The following SRBD1 variants were observed in gnomAD, a reference collection of about 807,000 sequenced individuals.
SRBD1 encodes S1 RNA-binding domain-containing protein 1.
Under a neutral mutation model 115.3 loss-of-function variants are expected in SRBD1, and 88 were observed. The observed-to-expected ratio is 0.76, with a 90% CI of 0.64 to 0.91. The LOEUF (loss-of-function observed/expected upper bound fraction) is 0.91, where lower values mean the gene tolerates loss of function less well. Ranked by LOEUF, SRBD1 falls within the 40% of genes least tolerant of loss-of-function variation. SRBD1 has a pLI of 0.00. For synonymous variants in SRBD1, 509 were observed against 407.7 expected (o/e 1.25, Z -2.99); for missense variants, 1,385 against 1,177.4 (o/e 1.18, Z -2.58).
At chr2:45,454,132 G>C (rs1669081900) in intron 16 of SRBD1, among the ~76,000 whole-genome samples, 1 of 151,894 alleles carries the variant, frequency 6.6e-6, no homozygotes, top group African/African-American at 2.4e-5. Flanking sequence ...CCTAACAGAA[G>C]CATAAAAGCA....
At chr2:45,569,361 A>G (rs1416112970) in intron 9 of SRBD1, 3 of 152,110 alleles carry the variant, frequency 2.0e-5, no homozygotes, top group Non-Finnish European at 2.9e-5. Flanking sequence ...GGGTCACCAT[A>G]TTGATACTAA....
chr2:45,518,047 A>C lies in SRBD1; in HGVS notation c.1874+28685T>G, dbSNP rs554270330. The stretch of plus-strand genomic sequence containing the variant: ...TCAAAAGCTCTCTTTATTTGATGAG[A>C]AAGTGTAATATCATAATAGGCAGGC... On this transcript the variant is annotated intron_variant, in intron 14 of 20. Coordinates refer to ENST00000263736, the MANE Select transcript of SRBD1 (RefSeq NM_018079.5). 1.6e-3 allele frequency among the ~76,000 whole-genome samples: 251 copies of C among 152,278 alleles called. 2 individuals are homozygous for C. The Middle Eastern group carries it at 0.02, about 12-fold the overall frequency.
intron 14 of SRBD1, among the ~76,000 whole-genome samples, chr2:45,533,397 G>A (rs1671672723): frequency 6.6e-6 from 1 of 151,892 alleles, no homozygotes; most frequent in Non-Finnish European, 1.5e-5. Context: ...ACCCTAATAT[G>A]GTTCCTAACT....
intron 18 of SRBD1, among the ~76,000 whole-genome samples, chr2:45,415,979 T>G (rs774274997): frequency 2.6e-5 from 4 of 152,052 alleles, no homozygotes; most frequent in African/African-American, 9.6e-5. Flanking sequence ...ATCATAAGAA[T>G]AGAAGATGTA....
At chr2:45,503,612 T>C (rs1285920744) in intron 14 of SRBD1, among the ~76,000 whole-genome samples, 2 of 152,194 alleles carry the variant, frequency 1.3e-5, no homozygotes, top group South Asian at 2.1e-4. Context: ...GAAAATCTAT[T>C]GTACTTCAAA....
intron 14 of SRBD1, among the ~76,000 whole-genome samples, chr2:45,489,753 G>C (rs904229178): frequency 2.0e-5 from 3 of 152,120 alleles, no homozygotes; most frequent in Non-Finnish European, 2.9e-5. Flanking sequence ...AAGGAACTGA[G>C]TTAGATTTGG....
chr2:45,419,680 T>C, intron 17 of SRBD1, 108 bp downstream of exon 17: 1 of 867,442 alleles, frequency 1.2e-6, no homozygotes, highest in Non-Finnish European at 1.9e-6. Context: ...CCATAGACGT[T>C]CTCTACTTGA....
chr2:45,407,273 C>A (rs1667464348), intron 19 of SRBD1, among the ~76,000 whole-genome samples: 1 of 152,130 alleles, frequency 6.6e-6, no homozygotes, highest in African/African-American at 2.4e-5. Flanking sequence ...ATTAACTATT[C>A]CAAAGCTAGC....
chr2:45,595,253 G>A (rs1219165052), intron 4 of SRBD1, among the ~76,000 whole-genome samples: 2 of 152,152 alleles, frequency 1.3e-5, no homozygotes, highest in African/African-American at 4.8e-5. Flanking sequence ...TCAGAGTTGA[G>A]AAATACACCT....
At chr2:45,571,156 C>A (rs551045637) in intron 9 of SRBD1, among the ~76,000 whole-genome samples, 30 of 152,208 alleles carry the variant, frequency 2.0e-4, no homozygotes, top group East Asian at 1.4e-3. Flanking sequence ...GAAAAGGCTA[C>A]GGCAGAGCTG....
chr2:45,469,161 C>CTATA (rs1669577021), intron 16 of SRBD1, among the ~76,000 whole-genome samples: 1 of 152,014 alleles, frequency 6.6e-6, no homozygotes, highest in Admixed American at 6.6e-5. Flanking sequence ...TATGGATGGT[C>CTATA]TATATATTGT....
chr2:45,567,026 C>T (rs760605194), intron 9 of SRBD1, among the ~76,000 whole-genome samples: 20 of 152,080 alleles, frequency 1.3e-4, no homozygotes, highest in Non-Finnish European at 2.5e-4. Context: ...AAAACTTAGA[C>T]TTCCTATCTG....
At chr2:45,471,480 G>C (rs1157847350) in intron 16 of SRBD1, among the ~76,000 whole-genome samples, 1 of 152,092 alleles carries the variant, frequency 6.6e-6, no homozygotes, top group Non-Finnish European at 1.5e-5. Flanking sequence ...TGCTATTACA[G>C]TAAACTTGTG....
chr2:45,474,373 C>T (rs187898027), intron 16 of SRBD1, among the ~76,000 whole-genome samples: 5 of 152,326 alleles, frequency 3.3e-5, no homozygotes, highest in Admixed American at 2.0e-4. Flanking sequence ...TCCCCACCTC[C>T]GGTGATAATG....
In SRBD1 at chr2:45,389,208, A is replaced by ATT. The variant is rs1442026070; in HGVS notation, c.*100_*101dup. On this transcript the variant is annotated 3_prime_UTR_variant, in exon 21 of 21. Transcript: ENST00000263736. ...GGAAAATATTTCTGATATTAAGTGAATTATTTCTCATCTGCTACCTAGAGT... is the reference window on the plus strand; with the variant it reads ...GGAAAATATTTCTGATATTAAGTGAATTTTATTTCTCATCTGCTACCTAGAGT... 5.3e-6 allele frequency: 7 copies of ATT among 1,321,038 alleles called. No individual in the cohort carries two copies. Among genetic ancestry groups the ATT allele is most frequent in the Non-Finnish European group, 7.2e-6 (7 of 965,520 alleles). 81.8% of individuals were successfully genotyped at this position (1,321,038 alleles called of 1,614,324 possible). A position where few individuals can be genotyped will look rare whatever the true frequency, so the allele number is the denominator to read the frequency against.
chr2:45,411,470 A>G (rs1667600540), intron 19 of SRBD1, among the ~76,000 whole-genome samples: 1 of 152,190 alleles, frequency 6.6e-6, no homozygotes, highest in Admixed American at 6.5e-5. Flanking sequence ...CCTTACACAG[A>G]TGAGTACAAT....
At chr2:45,500,349 G>A (rs1047599703) in intron 14 of SRBD1, among the ~76,000 whole-genome samples, 1 of 151,628 alleles carries the variant, frequency 6.6e-6, no homozygotes, top group African/African-American at 2.4e-5. Context: ...GTGTATATGT[G>A]TGTGTGTAGC....
intron 1 of SRBD1, among the ~76,000 whole-genome samples, chr2:45,608,185 C>T (rs1674332096): frequency 1.3e-5 from 2 of 152,208 alleles, no homozygotes; most frequent in African/African-American, 2.4e-5. Context: ...TTAAAGAAGG[C>T]TCCCCTAAAT....
chr2:45,412,202 C>T (rs2103855659), intron 19 of SRBD1, among the ~76,000 whole-genome samples: 1 of 152,196 alleles, frequency 6.6e-6, no homozygotes, highest in South Asian at 2.1e-4. Flanking sequence ...TTAATGATAA[C>T]ATCTAGGTGT....
Sources: allele counts gnomAD v4.1 joint callset (sites outside exome capture counted in the v4.1 genomes callset), GRCh38; gene constraint gnomAD v4.1.1; transcripts MANE v1.5; gene names NCBI Gene and HGNC (gene_info 2026-07-23, HGNC 2026-07-21).